Variants in PITRM1 observed in about 807,000 individuals in gnomAD.
The protein encoded by PITRM1 is presequence protease, mitochondrial.
PITRM1 carries 100 observed loss-of-function variants against 129.9 expected under a neutral mutation model. That is an observed-to-expected ratio of 0.77 (90% CI 0.65 to 0.91). The LOEUF (loss-of-function observed/expected upper bound fraction) is 0.91, where lower values mean the gene tolerates loss of function less well. PITRM1 is among the 40% of genes least tolerant of loss of function. The pLI is 0.00. For missense variants in PITRM1, 1,471 were observed against 1,318.3 expected, an observed-to-expected ratio of 1.12 and a Z score of -1.79; for synonymous variants, 591 against 508.8, an observed-to-expected ratio of 1.16 and a Z score of -2.17.
rs1226647823 is a variant in PITRM1 at position 3,143,383 on chromosome 10, T to G, written c.2645+6A>C. 4 of 1,577,750 alleles carry G rather than the reference T, an allele frequency of 2.5e-6. No individual in the cohort carries two copies. Among genetic ancestry groups the G allele is most frequent in the Non-Finnish European group, 2.6e-6 (3 of 1,146,968 alleles). ...GCCTGAGAGGTCCCGACCTACACCC[T>G]CCTACCTGGCATGATCTGGGTCCGT... On this transcript the variant is annotated splice_donor_region_variant and intron_variant, in intron 23 of 26. Transcript: ENST00000224949.
intron 14 of PITRM1, 26 bp downstream of exon 14, chr10:3,155,565 C>G: frequency 2.5e-6 from 4 of 1,613,296 alleles, no homozygotes; most frequent in Non-Finnish European, 3.4e-6. Context: ...GTTAGGGACT[C>G]GCCAGCTCGG....
At chr10:3,154,319 C>G (rs762918498) in intron 14 of PITRM1, among the ~76,000 whole-genome samples, 1 of 152,188 alleles carries the variant, frequency 6.6e-6, no homozygotes, top group Admixed American at 6.5e-5. Context: ...CTTGAAGGAA[C>G]GTTAGGAGCG....
chr10:3,141,409 C>T (rs1840185349), intron 23 of PITRM1: 1 of 217,364 alleles, frequency 4.6e-6, no homozygotes. Context: ...GAGGTTATTT[C>T]TATTATAAAG....
chr10:3,158,199 C>G, intron 10 of PITRM1, 46 bp from the exon 11 acceptor site: 1 of 1,054,892 alleles, frequency 9.5e-7, no homozygotes. Context: ...CGGGCACGTT[C>G]ATCATGCCCT....
rs1842634671 is a variant in PITRM1 at position 3,163,694 on chromosome 10, C to G, written c.791+31G>C. On this transcript the variant is annotated intron_variant, in intron 7 of 26. Coordinates refer to ENST00000224949, the MANE Select transcript of PITRM1 (RefSeq NM_014889.4). ...CACAAACAAGTCAACTTTTCACAAT[C>G]CACCATCAAACTTTTCCAACAAAAT... 1.9e-6 allele frequency: 3 copies of G among 1,564,348 alleles called. No homozygotes were observed. In the East Asian group the frequency reaches 6.9e-5, roughly 36 times the overall value.
Position 3,139,774 on chromosome 10 carries a change from C to T in PITRM1, c.2772-725G>A, listed in dbSNP as rs1170479342. 2.6e-5 allele frequency among the ~76,000 whole-genome samples: 4 copies of T among 152,244 alleles called. No homozygotes were observed. The East Asian group carries it at 5.8e-4, about 22-fold the overall frequency. ...CCTCCCCAGGCTCAAGGGATCCTCCCGCCTTAGCCTCCTGTAGCTAGGACC... is the reference window on the plus strand; with the variant it reads ...CCTCCCCAGGCTCAAGGGATCCTCCTGCCTTAGCCTCCTGTAGCTAGGACC... On this transcript the variant is annotated intron_variant, in intron 24 of 26. Transcript: ENST00000224949.
At chr10:3,169,426 G>A (rs1283861480) in intron 2 of PITRM1, among the ~76,000 whole-genome samples, 6 of 152,114 alleles carry the variant, frequency 3.9e-5, no homozygotes, top group African/African-American at 9.7e-5. Flanking sequence ...GGCCCTCCGC[G>A]TGGCGTCCAC....
intron 23 of PITRM1, chr10:3,143,188 G>A: frequency 1.0e-5 from 6 of 583,472 alleles, no homozygotes; most frequent in South Asian, 8.1e-5. Context: ...TTACAAAAAT[G>A]ACTGGCTCTA....
intron 1 of PITRM1, among the ~76,000 whole-genome samples, chr10:3,171,597 C>T (rs1484597381): frequency 6.6e-6 from 1 of 152,184 alleles, no homozygotes; most frequent in African/African-American, 2.4e-5. Flanking sequence ...CTCACTACTA[C>T]GCCCAGCTAA....
chr10:3,147,246 C>T lies in PITRM1; in HGVS notation c.2240G>A (p.Arg747Gln), dbSNP rs140399473. The T allele has an allele frequency of 1.4e-4, 226 of 1,610,800 alleles. No individual in the cohort carries two copies. In the East Asian group the frequency reaches 2.6e-3, roughly 18 times the overall value. The change falls in exon 20 of 27, where the codon CGG becomes CAG. Residue 747 changes from arginine to glutamine, a missense_variant. By Grantham distance (43) the Arg-to-Gln change is conservative. Transcript: ENST00000224949. ...CATTTCTGCAATCCTCTTCATCAGC[C>T]GCACCTAAGCCAGAGGAAACTCGCT... ...QETFSGMDQV[R>Q]LMKRIAEMTD...
intron 14 of PITRM1, among the ~76,000 whole-genome samples, chr10:3,152,526 CCCCACTGTGGGCTCCAG>C (rs2132427792): frequency 6.6e-6 from 1 of 152,312 alleles, no homozygotes; most frequent in East Asian, 1.9e-4. Flanking sequence ...TCCACAGGTG[CCCCACTGTGGGCTCCAG>C]CCCTTCTGTC....
chr10:3,162,899 TCTG>T (rs1222649175), intron 7 of PITRM1, among the ~76,000 whole-genome samples: 12 of 152,176 alleles, frequency 7.9e-5, no homozygotes, highest in African/African-American at 2.9e-4. Flanking sequence ...AACTAGAAAA[TCTG>T]AATATGGAAT....
rs147130931 is a variant in PITRM1 at position 3,158,900 on chromosome 10, A to C, written c.1136+14T>G. On this transcript the variant is annotated intron_variant, in intron 10 of 26. Coordinates refer to ENST00000224949, the MANE Select transcript of PITRM1 (RefSeq NM_014889.4). ...CCAATGAGAACTACTGATCTAATCT[A>C]ATCATAAACTCACCCAACATCAGGA... The C allele has an allele frequency of 7.0e-5, 113 of 1,612,634 alleles. No individual in the cohort carries two copies. The African/African-American group carries it at 1.3e-3, about 19-fold the overall frequency.
rs1446291942 is a variant in PITRM1 at position 3,138,615 on chromosome 10, TGGCCATGCCCG to T, written c.2917+278_2918-279del. 2.3e-5 allele frequency: 14 copies of T among 604,928 alleles called. No individual in the cohort carries two copies. The East Asian group carries it at 3.1e-4, about 13-fold the overall frequency. The allele number at this position is 604,928 out of a possible 1,614,324, so 37.5% of individuals were successfully genotyped here. On this transcript the variant is annotated intron_variant, in intron 25 of 26. Transcript: ENST00000224949. Reference sequence around the variant, plus strand: ...GCAAAAGCGGCTCCAGAGAGTAACGTGGCCATGCCCGGGCCGTGCCCACGTCCTCCTTCCAC... The same window carrying T: ...GCAAAAGCGGCTCCAGAGAGTAACGTGGCCGTGCCCACGTCCTCCTTCCAC...
intron 16 of PITRM1, chr10:3,149,402 CTTATA>C: frequency 2.4e-6 from 1 of 418,678 alleles, no homozygotes; most frequent in East Asian, 3.9e-5. Flanking sequence ...TAAGTATCTC[CTTATA>C]TTATACCGTA....
Position 3,156,794 on chromosome 10 carries a change from T to C in PITRM1, c.1482+136A>G, listed in dbSNP as rs1478719677. On this transcript the variant is annotated intron_variant, in intron 13 of 26. Transcript: ENST00000224949. ...GAAAATAATTAAGTTAATGTAAGCATTTAAATTTTTAATTAGAAATTAAGT... is the reference window on the plus strand; with the variant it reads ...GAAAATAATTAAGTTAATGTAAGCACTTAAATTTTTAATTAGAAATTAAGT... 4 of 582,036 alleles carry C rather than the reference T, an allele frequency of 6.9e-6. No homozygotes were observed. The African/African-American group carries it at 7.8e-5, about 11-fold the overall frequency. The allele number at this position is 582,036 out of a possible 1,614,324, so 36.1% of individuals were successfully genotyped here.
In PITRM1 at chr10:3,163,662, T is replaced by C. The variant is rs563173270; in HGVS notation, c.791+63A>G. On this transcript the variant is annotated intron_variant, in intron 7 of 26. Transcript: ENST00000224949. ...GTGAGAGAAGCCATGCCATAAACTGTTAAGAACACAAACAAGTCAACTTTT... is the reference window on the plus strand; with the variant it reads ...GTGAGAGAAGCCATGCCATAAACTGCTAAGAACACAAACAAGTCAACTTTT... The C allele has an allele frequency of 2.0e-5, 27 of 1,381,510 alleles. No homozygotes were observed. In the African/African-American group the frequency reaches 3.4e-4, roughly 18 times the overall value. 85.6% of individuals were successfully genotyped at this position (1,381,510 alleles called of 1,614,324 possible). A position where few individuals can be genotyped will look rare whatever the true frequency, so the allele number is the denominator to read the frequency against.
chr10:3,160,739 C>T (rs373154856), intron 7 of PITRM1, among the ~76,000 whole-genome samples: 1 of 151,422 alleles, frequency 6.6e-6, no homozygotes, highest in Non-Finnish European at 1.5e-5. Flanking sequence ...ACCAGGACTA[C>T]ACCACCACAC....
At chr10:3,143,310 C>G in intron 23 of PITRM1, 79 bp downstream of exon 23, 1 of 879,198 alleles carries the variant, frequency 1.1e-6, no homozygotes, top group East Asian at 2.5e-5. Context: ...TGCTAAAACA[C>G]GCCCTGTGAA....
Sources: allele counts gnomAD v4.1 joint callset (sites outside exome capture counted in the v4.1 genomes callset), GRCh38; gene constraint gnomAD v4.1.1; transcripts MANE v1.5; gene names NCBI Gene and HGNC (gene_info 2026-07-23, HGNC 2026-07-21).